Variants in NDUFA7 observed in about 807,000 individuals in gnomAD.
NDUFA7 encodes the protein NADH dehydrogenase [ubiquinone] 1 alpha subcomplex subunit 7.
A neutral mutation model predicts 14.2 loss-of-function variants in NDUFA7; 18 were observed. The observed-to-expected ratio is 1.27, with a 90% CI of 0.88 to 1.88. The LOEUF (loss-of-function observed/expected upper bound fraction) is 1.88. Ranked by LOEUF, NDUFA7 falls within the 40% of genes most tolerant of loss-of-function variation. The pLI, the probability that NDUFA7 is intolerant of heterozygous loss-of-function variation, is 0.00. For synonymous variants in NDUFA7, 75 were observed against 62.1 expected, an observed-to-expected ratio of 1.21 and a Z score of -0.98; for missense variants, 172 against 147.3, an observed-to-expected ratio of 1.17 and a Z score of -0.87.
At chr19:8,311,669 C>A in intron 3 of NDUFA7, 74 bp from the exon 4 acceptor site, 1 of 1,316,694 alleles carries the variant, frequency 7.6e-7, no homozygotes, top group South Asian at 1.3e-5. Context: ...CCACACCTGC[C>A]CCGGGACAAA....
rs2145395557 is a variant in NDUFA7 at position 8,316,503 on chromosome 19, C to T, written c.244G>A (p.Ala82Thr). The T allele has an allele frequency of 6.2e-7, 1 of 1,613,892 alleles. No homozygotes were observed. The highest frequency in any genetic ancestry group is 2.2e-5 in the East Asian group (1 of 44,880). Residue 82 changes from alanine to threonine, a missense_variant, in exon 3 of 4, where the codon GCA (alanine) becomes ACA (threonine). By Grantham distance (58) the Ala-to-Thr change is moderately conservative. Coordinates refer to ENST00000301457, the MANE Select transcript of NDUFA7 (RefSeq NM_005001.5). ...AGCGCTGGAGATCCTCACCTCTCTGCTGGCTTGCCTGACACCAGCGCCTTC... is the reference window on the plus strand; with the variant it reads ...AGCGCTGGAGATCCTCACCTCTCTGTTGGCTTGCCTGACACCAGCGCCTTC... ...SQKALVSGKP[A>T]ESSAVAATEK...
In NDUFA7 at chr19:8,311,361, G is replaced by A; in HGVS notation, c.*144C>T. 1.6e-6 allele frequency: 1 copy of A among 642,132 alleles called. No homozygotes were observed. 39.8% of individuals were successfully genotyped at this position (642,132 alleles called of 1,614,324 possible). A position where few individuals can be genotyped will look rare whatever the true frequency, so the allele number is the denominator to read the frequency against. ...TCAAGATCAGCCTGGGAAACATGGTGAGACTCTGTCTCTATTTTTTTATTT... is the reference window on the plus strand; with the variant it reads ...TCAAGATCAGCCTGGGAAACATGGTAAGACTCTGTCTCTATTTTTTTATTT... On this transcript the variant is annotated 3_prime_UTR_variant, in exon 4 of 4. Transcript: ENST00000301457.
intron 3 of NDUFA7, among the ~76,000 whole-genome samples, chr19:8,314,951 G>T (rs1418515769): frequency 1.3e-5 from 2 of 152,204 alleles, no homozygotes; most frequent in African/African-American, 2.4e-5. Context: ...GTAGACATAA[G>T]AGACTCCATT....
At chr19:8,317,102 A>G (rs760649928) in intron 2 of NDUFA7, among the ~76,000 whole-genome samples, 22 of 152,128 alleles carry the variant, frequency 1.4e-4, no homozygotes, top group Non-Finnish European at 2.8e-4. Flanking sequence ...ATCAAGGCCC[A>G]TTATTCAAGA....
At chr19:8,316,199 A>T (rs1162539513) in intron 3 of NDUFA7, among the ~76,000 whole-genome samples, 1 of 151,470 alleles carries the variant, frequency 6.6e-6, no homozygotes, top group Non-Finnish European at 1.5e-5. Flanking sequence ...ACTAATCTGT[A>T]ACACCAATTA....
At chr19:8,316,912 G>C in intron 2 of NDUFA7, 1 of 362,848 alleles carries the variant, frequency 2.8e-6, no homozygotes, top group Admixed American at 4.3e-5. Flanking sequence ...GGGTACAGAG[G>C]ACCCTTTCTG....
chr19:8,317,396 T>C (rs1444580018), intron 2 of NDUFA7, among the ~76,000 whole-genome samples: 3 of 151,840 alleles, frequency 2.0e-5, no homozygotes, highest in African/African-American at 4.8e-5. Context: ...GCAAACCCCA[T>C]CTCTACTAAA....
intron 3 of NDUFA7, among the ~76,000 whole-genome samples, chr19:8,315,752 C>T (rs1197250677): frequency 9.9e-5 from 15 of 152,046 alleles, no homozygotes; most frequent in Admixed American, 9.8e-4. Flanking sequence ...CTTTCTTTTC[C>T]AAGTCTCTCA....
intron 3 of NDUFA7, among the ~76,000 whole-genome samples, chr19:8,316,082 G>A (rs1440568860): frequency 6.8e-6 from 1 of 147,654 alleles, no homozygotes; most frequent in Non-Finnish European, 1.5e-5. Flanking sequence ...CCGGGAGGTG[G>A]AGATTGCAGT....
chr19:8,314,546 G>A (rs1040104235), intron 3 of NDUFA7, among the ~76,000 whole-genome samples: 1 of 151,998 alleles, frequency 6.6e-6, no homozygotes, highest in South Asian at 2.1e-4. Flanking sequence ...CAGGAGGATC[G>A]CTTGAGCCCA....
chr19:8,308,738 A>C (rs948055394), downstream of NDUFA7: 1 of 219,612 alleles, frequency 4.6e-6, no homozygotes, highest in Admixed American at 5.8e-5. Flanking sequence ...TCCCCATAGA[A>C]TGCTAGCTAC....
chr19:8,313,553 C>G (rs945115062), intron 3 of NDUFA7, among the ~76,000 whole-genome samples: 1 of 152,190 alleles, frequency 6.6e-6, no homozygotes, highest in African/African-American at 2.4e-5. Context: ...AAGTACAGAG[C>G]AGGCCCTGCC....
intron 3 of NDUFA7, among the ~76,000 whole-genome samples, chr19:8,313,901 T>G (rs2145392437): frequency 6.6e-6 from 1 of 152,346 alleles, no homozygotes; most frequent in South Asian, 2.1e-4. Flanking sequence ...TTATGAGGAC[T>G]AACCCTCGTA....
Position 8,316,776 on chromosome 19 carries a change from G to C in NDUFA7, c.102-131C>G, listed in dbSNP as rs768386495. 1.3e-5 allele frequency: 14 copies of C among 1,091,426 alleles called. 1 individual carries two copies. Among genetic ancestry groups the C allele is most frequent in the South Asian group, 1.5e-5 (1 of 67,500 alleles). The allele number at this position is 1,091,426 out of a possible 1,614,324, so 67.6% of individuals were successfully genotyped here. A position where few individuals can be genotyped will look rare whatever the true frequency, so the allele number is the denominator to read the frequency against. ...CACTGGGATAAGCCACAGGCTGGGG[G>C]TGTCCCTTGGTACACTGGCAGGGAC... On this transcript the variant is annotated intron_variant, in intron 2 of 3. Transcript: ENST00000301457.
At position 8,321,290 on chromosome 19, in the gene NDUFA7, C is replaced by A. The variant is rs1226371258; in HGVS notation, c.51+18G>T. 1 of 1,558,854 alleles carries A rather than the reference C, an allele frequency of 6.4e-7. No individual in the cohort carries two copies. The highest frequency in any genetic ancestry group is 1.9e-5 in the Admixed American group (1 of 53,062). On this transcript the variant is annotated intron_variant, in intron 1 of 3. Coordinates refer to ENST00000301457, the MANE Select transcript of NDUFA7 (RefSeq NM_005001.5). ...AGCCCGAAGCCCCCCATGGTGCAGC[C>A]CTGTCCGCCCCGCGCACCCCGGACG... is the stretch of plus-strand genomic sequence containing the variant.
intron 2 of NDUFA7, among the ~76,000 whole-genome samples, chr19:8,317,884 G>T (rs1043063246): frequency 6.6e-6 from 1 of 152,110 alleles, no homozygotes; most frequent in Non-Finnish European, 1.5e-5. Flanking sequence ...TGTTGCCCAG[G>T]TTGATGTCGA....
intron 3 of NDUFA7, among the ~76,000 whole-genome samples, chr19:8,315,894 C>T (rs1041105723): frequency 3.3e-5 from 5 of 151,972 alleles, no homozygotes; most frequent in Non-Finnish European, 7.4e-5. Flanking sequence ...GTGGGTCACG[C>T]CTGTAATCCT....
At position 8,316,590 on chromosome 19, in the gene NDUFA7, A is replaced by G; in HGVS notation, c.157T>C (p.Tyr53His). The G allele has an allele frequency of 6.2e-7, 1 of 1,614,118 alleles. No individual in the cohort carries two copies. Among genetic ancestry groups the G allele is most frequent in the Non-Finnish European group, 8.5e-7 (1 of 1,180,012 alleles). Residue 53 changes from tyrosine to histidine, a missense_variant, in exon 3 of 4, where the codon TAC becomes CAC. Coordinates refer to ENST00000301457, the MANE Select transcript of NDUFA7 (RefSeq NM_005001.5). ...CGGCGGCCATCGCGAGTGCAATAGT[A>G]ATTGTTGGAGAGCTTGTGGCTAGGA... The part of the protein sequence containing the change: ...VGPSHKLSNN[Y>H]YCTRDGRRES...
At chr19:8,308,645 C>G (rs552300079), downstream of NDUFA7, 5 of 311,654 alleles carry the variant, frequency 1.6e-5, no homozygotes, top group African/African-American at 8.9e-5. Flanking sequence ...CTCAGGCACT[C>G]CGCATTTCCT....
Sources: allele counts gnomAD v4.1 joint callset (sites outside exome capture counted in the v4.1 genomes callset), GRCh38; gene constraint gnomAD v4.1.1; transcripts MANE v1.5; gene names NCBI Gene and HGNC (gene_info 2026-07-23, HGNC 2026-07-21).